Variants in IL20RB observed in about 807,000 individuals in gnomAD.
IL20RB encodes interleukin 20 receptor subunit beta, also known as interleukin-20 receptor subunit beta.
A neutral mutation model predicts 33.3 loss-of-function variants in IL20RB; 21 were observed. The observed-to-expected ratio is 0.63, with a 90% CI of 0.45 to 0.91. The LOEUF (loss-of-function observed/expected upper bound fraction) is 0.91, where lower values mean the gene tolerates loss of function less well. Ranked by LOEUF, IL20RB falls within the 40% of genes least tolerant of loss-of-function variation. The pLI, the probability that IL20RB is intolerant of heterozygous loss-of-function variation, is 0.00. For missense variants in IL20RB, 345 were observed against 384.8 expected, an observed-to-expected ratio of 0.90 and a Z score of 0.86; for synonymous variants, 147 against 146.8, an observed-to-expected ratio of 1.00 and a Z score of -0.01.
chr3:137,006,808 CATTGCTGGCG>C (rs1942359167), intron 6 of IL20RB, among the ~76,000 whole-genome samples: 1 of 152,218 alleles, frequency 6.6e-6, no homozygotes, highest in Admixed American at 6.5e-5. Flanking sequence ...AGCTTTACTC[CATTGCTGGCG>C]AGGAGCTGTG....
intron 4 of IL20RB, 124 bp downstream of exon 4, chr3:136,989,689 G>A: frequency 9.4e-7 from 1 of 1,062,448 alleles, no homozygotes; most frequent in Non-Finnish European, 1.4e-6. Flanking sequence ...CCTGGGTGAA[G>A]TGTGCAAAAG....
chr3:136,991,841 C>T (rs1370235087), intron 4 of IL20RB, 97 bp from the exon 5 acceptor site: 4 of 1,288,766 alleles, frequency 3.1e-6, no homozygotes, highest in Non-Finnish European at 3.3e-6. Context: ...AACTCCTGAC[C>T]TCAGGTGATC....
At chr3:136,988,468 A>G (rs1457162700) in intron 3 of IL20RB, among the ~76,000 whole-genome samples, 1 of 152,152 alleles carries the variant, frequency 6.6e-6, no homozygotes, top group Non-Finnish European at 1.5e-5. Context: ...GGCTGGGCAC[A>G]TTGGCTCACT....
chr3:136,970,371 A>G (rs1263765364), intron 1 of IL20RB, among the ~76,000 whole-genome samples: 1 of 152,052 alleles, frequency 6.6e-6, no homozygotes, highest in African/African-American at 2.4e-5. Context: ...CTGGGATTAC[A>G]GGTGTGAGTT....
At chr3:136,962,787 A>G (rs1941258506) in intron 1 of IL20RB, among the ~76,000 whole-genome samples, 1 of 151,360 alleles carries the variant, frequency 6.6e-6, no homozygotes, top group Non-Finnish European at 1.5e-5. Flanking sequence ...ATTAAAAAAG[A>G]CAAAGACAGA....
intron 3 of IL20RB, among the ~76,000 whole-genome samples, chr3:136,986,138 G>A (rs1346447784): frequency 6.6e-6 from 1 of 152,016 alleles, no homozygotes; most frequent in African/African-American, 2.4e-5. Context: ...GTGTGAACCT[G>A]GGAGGCGGAG....
At chr3:136,980,655 C>T in intron 2 of IL20RB, 63 bp downstream of exon 2, 2 of 1,592,094 alleles carry the variant, frequency 1.3e-6, no homozygotes, top group Non-Finnish European at 8.6e-7. Flanking sequence ...AAGGCATAGC[C>T]CTTCCTCCTG....
chr3:136,977,628 C>A (rs1057003896), intron 1 of IL20RB, among the ~76,000 whole-genome samples: 1 of 152,106 alleles, frequency 6.6e-6, no homozygotes, highest in East Asian at 1.9e-4. Context: ...TGGGTTCAAG[C>A]GATTCTCCTG....
chr3:136,971,118 C>T (rs1233014013), intron 1 of IL20RB, among the ~76,000 whole-genome samples: 1 of 151,818 alleles, frequency 6.6e-6, no homozygotes, highest in African/African-American at 2.4e-5. Flanking sequence ...GAATTTATTC[C>T]TTCTAACTAT....
intron 2 of IL20RB, among the ~76,000 whole-genome samples, chr3:136,980,832 T>C (rs1941753627): frequency 6.6e-6 from 1 of 152,232 alleles, no homozygotes; most frequent in Non-Finnish European, 1.5e-5. Context: ...GGTGGAGTTA[T>C]TTTAAAAAGT....
At chr3:137,003,027 A>G (rs1014641733) in intron 6 of IL20RB, among the ~76,000 whole-genome samples, 10 of 152,198 alleles carry the variant, frequency 6.6e-5, no homozygotes, top group Admixed American at 1.3e-4. Flanking sequence ...TAAATAGGGA[A>G]TCCTTTCCCC....
chr3:136,997,520 TATG>T (rs1942154040), intron 6 of IL20RB, among the ~76,000 whole-genome samples: 1 of 152,158 alleles, frequency 6.6e-6, no homozygotes, highest in South Asian at 2.1e-4. Flanking sequence ...CTTTTATCAT[TATG>T]ATATGTTCTT....
At position 136,992,069 on chromosome 3, in the gene IL20RB, A is replaced by G; in HGVS notation, c.663A>G (p.Thr221=). 6.2e-7 allele frequency: 1 copy of G among 1,614,166 alleles called. No individual in the cohort carries two copies. Among genetic ancestry groups the G allele is most frequent in the Non-Finnish European group, 8.5e-7 (1 of 1,180,022 alleles). The change falls in exon 5 of 7, where the codon ACA becomes ACG. Residue 221 remains threonine (T), a synonymous_variant. Transcript: ENST00000329582. ...GGAGGTACAGCGCCTTCAGCCAGAC[A>G]GAATGTGTGGAGGTGCAAGGTAAGG... is the stretch of plus-strand genomic sequence containing the variant. ...AIGRYSAFSQ[T]ECVEVQGEAI...
chr3:136,995,490 C>A lies in IL20RB; in HGVS notation c.759C>A (p.Phe253Leu). The A allele has an allele frequency of 1.2e-6, 2 of 1,614,108 alleles. No homozygotes were observed. Among genetic ancestry groups the A allele is most frequent in the South Asian group, 2.2e-5 (2 of 91,064 alleles). The change falls in exon 6 of 7, where the codon TTC becomes TTA. Residue 253 changes from phenylalanine (F) to leucine (L), a missense_variant. Physicochemically the swap from Phe to Leu is conservative, Grantham distance 22 (BLOSUM62 0). Transcript: ENST00000329582. ...TGATCCTTGTGGTCGTGCCACTGTT[C>A]GTCTGGAAAATGGGCCGGCTGCTCC... ...FMLILVVVPL[F>L]VWKMGRLLQY...
chr3:136,969,551 C>A (rs1423944663), intron 1 of IL20RB, among the ~76,000 whole-genome samples: 1 of 145,996 alleles, frequency 6.8e-6, no homozygotes. Flanking sequence ...CGCCCTGCTT[C>A]GGCTCGCGCA....
At position 137,010,230 on chromosome 3, in the gene IL20RB, G is replaced by A. The variant is rs770170481; in HGVS notation, c.*7G>A. 10 of 1,383,244 alleles carry A rather than the reference G, an allele frequency of 7.2e-6. No individual in the cohort carries two copies. Among genetic ancestry groups the A allele is most frequent in the East Asian group, 4.6e-5 (2 of 43,786 alleles). 85.7% of individuals were successfully genotyped at this position (1,383,244 alleles called of 1,614,324 possible). On this transcript the variant is annotated 3_prime_UTR_variant, in exon 7 of 7. Transcript: ENST00000329582. ...CAGGGCCTGGATCTCATAGGTTTGC[G>A]GAAGGGCCCAGGTGAAGCCGAGAAC...
chr3:136,966,107 A>G (rs1941342930), intron 1 of IL20RB, among the ~76,000 whole-genome samples: 1 of 137,806 alleles, frequency 7.3e-6, no homozygotes, highest in African/African-American at 2.9e-5. Flanking sequence ...CCAGTATTTT[A>G]TTGAGGATTT....
intron 1 of IL20RB, 161 bp from the exon 2 acceptor site, chr3:136,980,305 A>G: frequency 6.4e-6 from 4 of 622,626 alleles, no homozygotes; most frequent in Non-Finnish European, 1.1e-5. Context: ...TTTTTTTTTG[A>G]GACAGAGTCT....
chr3:136,987,734 C>T (rs150183318), intron 3 of IL20RB, among the ~76,000 whole-genome samples: 1,756 of 152,310 alleles, frequency 0.012, 40 homozygotes, highest in African/African-American at 0.039. Flanking sequence ...CCACGCCCCA[C>T]GGGAAGGCAG....
Sources: allele counts gnomAD v4.1 joint callset (sites outside exome capture counted in the v4.1 genomes callset), GRCh38; gene constraint gnomAD v4.1.1; transcripts MANE v1.5; gene names NCBI Gene and HGNC (gene_info 2026-07-23, HGNC 2026-07-21).